SULT1C3: variants seen among roughly 807,000 people sequenced by gnomAD.
SULT1C3 encodes the protein sulfotransferase family 1C member 3.
A neutral mutation model predicts 28.4 loss-of-function variants in SULT1C3; 31 were observed. The observed-to-expected ratio is 1.09, with a 90% CI of 0.82 to 1.47. The LOEUF (loss-of-function observed/expected upper bound fraction) is 1.47, where lower values mean the gene tolerates loss of function less well. Among genes scored for constraint, SULT1C3 ranks in the 40% most tolerant of loss-of-function variants. SULT1C3 has a pLI of 0.00. For missense variants in SULT1C3, 307 were observed against 272.5 expected (o/e 1.13, Z -0.89); for synonymous variants, 106 against 92.2 (o/e 1.15, Z -0.86).
At chr2:108,253,706 A>G (rs1328648402) in intron 4 of SULT1C3, among the ~76,000 whole-genome samples, 5 of 152,022 alleles carry the variant, frequency 3.3e-5, no homozygotes, top group Non-Finnish European at 7.4e-5. Flanking sequence ...GTTGCTACAA[A>G]TCAGAGAGTG....
chr2:108,265,320 G>A (rs889559668), downstream of SULT1C3: 3 of 1,613,770 alleles, frequency 1.9e-6, no homozygotes, highest in Non-Finnish European at 2.5e-6. Context: ...AAGATGGCAG[G>A]AAGCACCCTA....
downstream of SULT1C3, among the ~76,000 whole-genome samples, chr2:108,263,565 T>C (rs1246611606): frequency 6.6e-6 from 1 of 152,236 alleles, no homozygotes; most frequent in African/African-American, 2.4e-5. Context: ...GGACACTGAA[T>C]GCAGCATTGG....
At chr2:108,260,910 T>C (rs571207638), downstream of SULT1C3, among the ~76,000 whole-genome samples, 1 of 152,276 alleles carries the variant, frequency 6.6e-6, no homozygotes, top group South Asian at 2.1e-4. Context: ...TGAGTTTTTT[T>C]GTTTGTTTGT....
chr2:108,255,094 A>C (rs1478220020), intron 4 of SULT1C3, among the ~76,000 whole-genome samples: 1 of 151,974 alleles, frequency 6.6e-6, no homozygotes, highest in Non-Finnish European at 1.5e-5. Flanking sequence ...ATAGGAGCCA[A>C]ATGAGATGGT....
rs1316232273 is a variant in SULT1C3 at position 108,247,288 on chromosome 2, T to C, written c.94T>C (p.Ser32Pro). The change falls in exon 2 of 8, where the codon TCA becomes CCA. Residue 32 changes from serine (S) to proline (P), a missense_variant. Coordinates refer to ENST00000681802, the MANE Select transcript of SULT1C3 (RefSeq NM_001320878.2). ...EVDGVPTLILSKEWWEKVCNF... is the reference protein window; with the variant it reads ...EVDGVPTLILPKEWWEKVCNF... ...AGATGGAGTCCCTACGTTGATATTA[T>C]CAAAAGAATGGTGGGAAAAAGTATG... 6.3e-7 allele frequency: 1 copy of C among 1,599,794 alleles called. No individual in the cohort carries two copies. Among genetic ancestry groups the C allele is most frequent in the Non-Finnish European group, 8.5e-7 (1 of 1,172,068 alleles).
chr2:108,250,455 T>C (rs1241471768), intron 2 of SULT1C3, among the ~76,000 whole-genome samples: 4 of 151,984 alleles, frequency 2.6e-5, no homozygotes, highest in African/African-American at 4.8e-5. Flanking sequence ...TCATGAACTT[T>C]TGGGGAGGAC....
intron 2 of SULT1C3, 33 bp downstream of exon 2, chr2:108,247,399 T>C: frequency 6.8e-7 from 1 of 1,464,082 alleles, no homozygotes; most frequent in Non-Finnish European, 9.1e-7. Flanking sequence ...ATATTCAATA[T>C]TTTCACGTGA....
chr2:108,254,308 C>G (rs1675806821), intron 4 of SULT1C3, among the ~76,000 whole-genome samples: 1 of 152,014 alleles, frequency 6.6e-6, no homozygotes, highest in African/African-American at 2.4e-5. Flanking sequence ...TCCACATGCT[C>G]TCATCTGACT....
At chr2:108,265,225 T>C, downstream of SULT1C3, 1 of 1,608,812 alleles carries the variant, frequency 6.2e-7, no homozygotes, top group Non-Finnish European at 8.5e-7. Flanking sequence ...CATTAAGATT[T>C]TGCCTTGTTT....
intron 5 of SULT1C3, 54 bp downstream of exon 5, chr2:108,255,752 G>A: frequency 6.3e-7 from 1 of 1,577,824 alleles, no homozygotes; most frequent in Non-Finnish European, 8.6e-7. Context: ...CTAACAATAA[G>A]CACCTCTGTA....
At chr2:108,252,012 C>T (rs1675735877) in intron 2 of SULT1C3, among the ~76,000 whole-genome samples, 2 of 151,812 alleles carry the variant, frequency 1.3e-5, no homozygotes, top group Non-Finnish European at 2.9e-5. Flanking sequence ...TTCACTCAAA[C>T]ATGATAGTTG....
chr2:108,261,375 C>G (rs549840441), downstream of SULT1C3, among the ~76,000 whole-genome samples: 1 of 152,214 alleles, frequency 6.6e-6, no homozygotes, highest in South Asian at 2.1e-4. Flanking sequence ...GACAAATGCA[C>G]CATGACTATG....
chr2:108,253,135 A>G (rs1675774458), intron 3 of SULT1C3, among the ~76,000 whole-genome samples: 12 of 152,124 alleles, frequency 7.9e-5, no homozygotes, highest in Admixed American at 7.9e-4. Context: ...TGAAAGTCTA[A>G]AAGCTGAGAG....
At position 108,247,377 on chromosome 2, in the gene SULT1C3, CA is replaced by C; in HGVS notation, c.172+15del. On this transcript the variant is annotated intron_variant, in intron 2 of 7. Coordinates refer to ENST00000681802, the MANE Select transcript of SULT1C3 (RefSeq NM_001320878.2). ...CTTACCCAAAGTCAGGTAAGGGTAGCAAAACATAAAAATATTCAATATTTTC... is the reference window on the plus strand; with the variant it reads ...CTTACCCAAAGTCAGGTAAGGGTAGCAAACATAAAAATATTCAATATTTTC... The C allele has an allele frequency of 6.6e-7, 1 of 1,516,634 alleles. No homozygotes were observed. Among genetic ancestry groups the C allele is most frequent in the Non-Finnish European group, 8.9e-7 (1 of 1,128,906 alleles). 93.9% of individuals were successfully genotyped at this position (1,516,634 alleles called of 1,614,324 possible). A position where few individuals can be genotyped will look rare whatever the true frequency, so the allele number is the denominator to read the frequency against.
At chr2:108,245,699 T>G (rs1397748907) in intron 1 of SULT1C3, among the ~76,000 whole-genome samples, 1 of 152,050 alleles carries the variant, frequency 6.6e-6, no homozygotes, top group Non-Finnish European at 1.5e-5. Flanking sequence ...TCCGGGCCTG[T>G]GATAGGAGAG....
chr2:108,242,990 CT>C (rs1289791020), intron 1 of SULT1C3, among the ~76,000 whole-genome samples: 5 of 152,122 alleles, frequency 3.3e-5, no homozygotes, highest in Non-Finnish European at 5.9e-5. Flanking sequence ...TAAGAAAATC[CT>C]TTTAAATCCC....
chr2:108,245,278 C>T (rs1675548951), intron 1 of SULT1C3, among the ~76,000 whole-genome samples: 1 of 152,136 alleles, frequency 6.6e-6, no homozygotes, highest in Admixed American at 6.5e-5. Context: ...TTCCCTTTGA[C>T]CTCCTAGACT....
chr2:108,254,834 T>C (rs1237011513), intron 4 of SULT1C3, among the ~76,000 whole-genome samples: 1 of 151,492 alleles, frequency 6.6e-6, no homozygotes, highest in African/African-American at 2.4e-5. Context: ...TATACACATA[T>C]ATATGTGTGT....
At chr2:108,263,334 A>C (rs1676064843), downstream of SULT1C3, among the ~76,000 whole-genome samples, 1 of 152,220 alleles carries the variant, frequency 6.6e-6, no homozygotes. Flanking sequence ...CCTTTGCATA[A>C]GGGCACTGGC....
Sources: gnomAD v4.1 joint callset for allele counts (sites outside exome capture counted in the v4.1 genomes callset) on GRCh38, gnomAD v4.1.1 for gene constraint, MANE v1.5 for transcripts, NCBI Gene and HGNC (gene_info 2026-07-23, HGNC 2026-07-21) for gene names.